ACYP2: variants seen among roughly 807,000 people sequenced by gnomAD.
The protein encoded by ACYP2 is acylphosphatase-2.
Under a neutral mutation model 11.2 loss-of-function variants are expected in ACYP2, and 12 were observed. The observed-to-expected ratio is 1.08, with a 90% CI of 0.69 to 1.74. The LOEUF (loss-of-function observed/expected upper bound fraction) is 1.74. Ranked by LOEUF, ACYP2 falls within the 40% of genes most tolerant of loss-of-function variation. ACYP2 has a pLI of 0.00. For synonymous variants in ACYP2, 43 were observed against 32.2 expected, an observed-to-expected ratio of 1.33 and a Z score of -1.13; for missense variants, 134 against 101.9, an observed-to-expected ratio of 1.31 and a Z score of -1.35.
At chr2:54,294,380 G>T (rs1306816849) in intron 6 of ACYP2, among the ~76,000 whole-genome samples, 1 of 152,044 alleles carries the variant, frequency 6.6e-6, no homozygotes, top group African/African-American at 2.4e-5. Flanking sequence ...CTTAGTGTTA[G>T]GTTAATAGGG....
chr2:54,025,951 C>A (rs932006232), intron 2 of ACYP2, among the ~76,000 whole-genome samples: 4 of 152,048 alleles, frequency 2.6e-5, no homozygotes, highest in African/African-American at 9.7e-5. Flanking sequence ...ACCCCATCTC[C>A]ATTAAAAATA....
chr2:54,158,108 C>G (rs901338290), intron 6 of ACYP2, among the ~76,000 whole-genome samples: 1 of 151,958 alleles, frequency 6.6e-6, no homozygotes, highest in Non-Finnish European at 1.5e-5. Flanking sequence ...TCGCTGCAAC[C>G]TCTGCCTCCC....
At chr2:54,263,662 T>A (rs2096540633) in intron 6 of ACYP2, among the ~76,000 whole-genome samples, 1 of 152,218 alleles carries the variant, frequency 6.6e-6, no homozygotes. Flanking sequence ...ATTTTCTCTT[T>A]CCTTTGGAGG....
intron 4 of ACYP2, among the ~76,000 whole-genome samples, chr2:54,072,513 T>TTTTTTCTTCTTTTTTTCTTTCC (rs148411653): frequency 6.8e-6 from 1 of 146,056 alleles, no homozygotes; most frequent in Non-Finnish European, 1.5e-5. Context: ...CTCTCTCTCT[T>TTTTTTCTTCTTTTTTTCTTTCC]TCTTTCTTCT....
chr2:54,161,252 A>C (rs775651108), intron 6 of ACYP2, among the ~76,000 whole-genome samples: 18 of 152,234 alleles, frequency 1.2e-4, no homozygotes, highest in Admixed American at 9.2e-4. Flanking sequence ...GAGCTTTTAC[A>C]TGGCAACTAA....
intron 2 of ACYP2, among the ~76,000 whole-genome samples, chr2:53,986,739 C>T (rs559111859): frequency 1.3e-5 from 2 of 151,894 alleles, no homozygotes; most frequent in East Asian, 3.9e-4. Context: ...ATTCTCCTGC[C>T]TCAGCCTCCT....
At chr2:53,994,160 C>T (rs1672442905) in intron 2 of ACYP2, among the ~76,000 whole-genome samples, 1 of 151,890 alleles carries the variant, frequency 6.6e-6, no homozygotes, top group Admixed American at 6.6e-5. Flanking sequence ...GAAAACCCTT[C>T]TCTACTAAAA....
At chr2:54,117,623 G>A (rs1201110112) in intron 4 of ACYP2, among the ~76,000 whole-genome samples, 2 of 152,168 alleles carry the variant, frequency 1.3e-5, no homozygotes, top group Non-Finnish European at 1.5e-5. Flanking sequence ...GACTGGGGGT[G>A]TTTATGGAAC....
intron 6 of ACYP2, among the ~76,000 whole-genome samples, chr2:54,180,758 G>A (rs1003460845): frequency 3.9e-5 from 6 of 152,082 alleles, no homozygotes; most frequent in African/African-American, 7.2e-5. Flanking sequence ...ATTTTGCCAT[G>A]TTGCCCAGGT....
chr2:54,258,244 G>A (rs555982027), intron 6 of ACYP2, among the ~76,000 whole-genome samples: 1 of 152,294 alleles, frequency 6.6e-6, no homozygotes, highest in Admixed American at 6.5e-5. Context: ...GGAGGAGATT[G>A]TAGTATGAAA....
At chr2:54,085,926 A>G (rs1404304441) in intron 4 of ACYP2, among the ~76,000 whole-genome samples, 1 of 152,088 alleles carries the variant, frequency 6.6e-6, no homozygotes, top group African/African-American at 2.4e-5. Flanking sequence ...GGTGACTCTA[A>G]AAGTTTCTTT....
chr2:54,254,838 A>G, intron 6 of ACYP2: 1 of 1,384,266 alleles, frequency 7.2e-7, no homozygotes, highest in Middle Eastern at 2.6e-4. Context: ...AGTAAAGGGC[A>G]TACCTAATGC....
chr2:54,123,296 G>A (rs531437432), intron 4 of ACYP2: 635 of 398,482 alleles, frequency 1.6e-3, no homozygotes, highest in Non-Finnish European at 2.4e-3. Flanking sequence ...TCTACTTGCC[G>A]TACTTCAAGA....
chr2:54,061,039 G>C (rs1676444698), intron 4 of ACYP2, among the ~76,000 whole-genome samples: 1 of 151,660 alleles, frequency 6.6e-6, no homozygotes, highest in Non-Finnish European at 1.5e-5. Flanking sequence ...TTTTTTCATA[G>C]AGGCATGGTC....
intron 4 of ACYP2, among the ~76,000 whole-genome samples, chr2:54,131,331 G>C (rs1319630201): frequency 6.6e-6 from 1 of 152,206 alleles, no homozygotes; most frequent in East Asian, 1.9e-4. Context: ...CATCACCATA[G>C]GCTAATGGTC....
chr2:54,003,525 G>C (rs771171678), intron 2 of ACYP2, among the ~76,000 whole-genome samples: 21 of 152,208 alleles, frequency 1.4e-4, no homozygotes, highest in Non-Finnish European at 2.4e-4. Flanking sequence ...CTCCCAAAGT[G>C]CTGGGATTAC....
intron 6 of ACYP2, among the ~76,000 whole-genome samples, chr2:54,221,116 T>C (rs996899879): frequency 6.6e-6 from 1 of 152,180 alleles, no homozygotes; most frequent in Admixed American, 6.5e-5. Context: ...GGGCAGCTGC[T>C]GCCCCTTCAC....
intron 4 of ACYP2, among the ~76,000 whole-genome samples, chr2:54,064,910 C>G (rs1442468484): frequency 6.6e-6 from 1 of 152,016 alleles, no homozygotes; most frequent in Non-Finnish European, 1.5e-5. Flanking sequence ...ATGGTGAAAC[C>G]CCGTCTCTAC....
At chr2:53,972,262 A>G (rs1410518477) in intron 1 of ACYP2, among the ~76,000 whole-genome samples, 1 of 149,092 alleles carries the variant, frequency 6.7e-6, no homozygotes. Context: ...GTGAGCCAAG[A>G]TCGCGCCAGG....
Sources: allele counts gnomAD v4.1 joint callset (sites outside exome capture counted in the v4.1 genomes callset), GRCh38; gene constraint gnomAD v4.1.1; transcripts MANE v1.5; gene names NCBI Gene and HGNC (gene_info 2026-07-23, HGNC 2026-07-21).